The following SNX29 variants were observed in gnomAD, a reference collection of about 807,000 sequenced individuals.
SNX29 encodes the protein sorting nexin 29.
A neutral mutation model predicts 102.1 loss-of-function variants in SNX29; 78 were observed. The observed-to-expected ratio is 0.76, with a 90% CI of 0.64 to 0.92. SNX29 has a LOEUF of 0.92. Ranked by LOEUF, SNX29 falls within the 40% of genes least tolerant of loss-of-function variation. The pLI is 0.00. For synonymous variants in SNX29, 580 were observed against 414.5 expected (o/e 1.40, Z -4.85); for missense variants, 1,280 against 1,061.7 (o/e 1.21, Z -2.86).
intron 15 of SNX29, among the ~76,000 whole-genome samples, chr16:12,335,435 T>TG (rs1405988166): frequency 2.0e-5 from 3 of 152,010 alleles, no homozygotes; most frequent in Non-Finnish European, 2.9e-5. Flanking sequence ...GAGGCCAAGA[T>TG]GGAAGGATCT....
intron 15 of SNX29, among the ~76,000 whole-genome samples, chr16:12,320,044 G>T (rs1381354667): frequency 6.6e-6 from 1 of 152,162 alleles, no homozygotes; most frequent in Non-Finnish European, 1.5e-5. Flanking sequence ...TGCTCCTGGG[G>T]AGCTGCCACC....
intron 20 of SNX29, among the ~76,000 whole-genome samples, chr16:12,548,516 G>A (rs1456930160): frequency 6.6e-6 from 1 of 152,216 alleles, no homozygotes; most frequent in African/African-American, 2.4e-5. Flanking sequence ...TGGACCAGAT[G>A]CTTTGAGGGT....
intron 15 of SNX29, among the ~76,000 whole-genome samples, chr16:12,314,043 T>C (rs765735961): frequency 4.3e-4 from 66 of 152,370 alleles, no homozygotes; most frequent in Non-Finnish European, 5.6e-4. Context: ...TGGAGCATAG[T>C]CGTGCACTCA....
chr16:12,555,490 T>G (rs1161890186), intron 20 of SNX29, among the ~76,000 whole-genome samples: 1 of 151,642 alleles, frequency 6.6e-6, no homozygotes, highest in Non-Finnish European at 1.5e-5. Context: ...TCTTTCGTTG[T>G]GGGGAGTCAC....
intron 13 of SNX29, among the ~76,000 whole-genome samples, chr16:12,134,520 C>T (rs768289673): frequency 6.6e-6 from 1 of 152,204 alleles, no homozygotes; most frequent in Non-Finnish European, 1.5e-5. Flanking sequence ...GTGGGCCTCT[C>T]CGTGGGGCTG....
chr16:12,462,008 T>C lies in SNX29; in HGVS notation c.2038-15711T>C, dbSNP rs1358185522. Reference sequence around the variant, plus strand: ...ATATATATATATATATATATATATATATATGTATACACACACACACACACA... The same window carrying C: ...ATATATATATATATATATATATATACATATGTATACACACACACACACACA... On this transcript the variant is annotated intron_variant, in intron 18 of 20. Coordinates refer to ENST00000566228, the MANE Select transcript of SNX29 (RefSeq NM_032167.5). Among the ~76,000 whole-genome samples the C allele has an allele frequency of 6.1e-3, 405 of 66,888 alleles. 5 individuals are homozygous for C. Among genetic ancestry groups the C allele is most frequent in the African/African-American group, 0.033 (359 of 10,862 alleles). The allele number at this position is 66,888 out of a possible 152,430, so 43.9% of individuals were successfully genotyped here. A position where few individuals can be genotyped will look rare whatever the true frequency, so the allele number is the denominator to read the frequency against.
At chr16:12,439,088 G>A (rs1403101750) in intron 18 of SNX29, among the ~76,000 whole-genome samples, 1 of 152,226 alleles carries the variant, frequency 6.6e-6, no homozygotes, top group African/African-American at 2.4e-5. Flanking sequence ...CCCTTCCCCA[G>A]CCTCCCTCAT....
chr16:12,407,612 G>A (rs58384989), intron 18 of SNX29, among the ~76,000 whole-genome samples: 9,067 of 152,224 alleles, frequency 0.06, 350 homozygotes, highest in East Asian at 0.19. Context: ...CCTCTCACTG[G>A]TTTGTGTGTT....
At chr16:12,144,052 G>T (rs2054962373) in intron 13 of SNX29, among the ~76,000 whole-genome samples, 2 of 152,300 alleles carry the variant, frequency 1.3e-5, no homozygotes, top group South Asian at 2.1e-4. Flanking sequence ...CATTGAGCAG[G>T]TCTGGAGTGG....
At chr16:12,106,813 G>T (rs967797714) in intron 11 of SNX29, among the ~76,000 whole-genome samples, 1 of 149,636 alleles carries the variant, frequency 6.7e-6, no homozygotes, top group African/African-American at 2.5e-5. Context: ...CCAACTTCCA[G>T]TAGTGCTTCC....
chr16:12,362,475 C>T (rs1289180771), intron 16 of SNX29, among the ~76,000 whole-genome samples: 1 of 150,828 alleles, frequency 6.6e-6, no homozygotes, highest in Non-Finnish European at 1.5e-5. Context: ...TCCAACAACG[C>T]GTTGGGCATC....
chr16:12,234,697 G>A (rs1321299423), intron 14 of SNX29, among the ~76,000 whole-genome samples: 1 of 152,164 alleles, frequency 6.6e-6, no homozygotes, highest in Non-Finnish European at 1.5e-5. Flanking sequence ...GATGCTGTCG[G>A]CTTCAGCCCA....
chr16:12,549,068 T>G (rs1308637082), intron 20 of SNX29, among the ~76,000 whole-genome samples: 8 of 152,340 alleles, frequency 5.3e-5, no homozygotes, highest in African/African-American at 1.9e-4. Context: ...TGGGCAGGCA[T>G]CATAGTGTTC....
intron 19 of SNX29, among the ~76,000 whole-genome samples, chr16:12,516,761 C>T (rs1036276707): frequency 1.3e-5 from 2 of 152,148 alleles, no homozygotes; most frequent in Non-Finnish European, 2.9e-5. Flanking sequence ...GTAGCTGACA[C>T]GAGGTGCGGC....
chr16:12,359,805 T>G (rs890008441), intron 16 of SNX29, among the ~76,000 whole-genome samples: 1 of 152,178 alleles, frequency 6.6e-6, no homozygotes, highest in Non-Finnish European at 1.5e-5. Context: ...ACAATACCAT[T>G]ATCACACCTA....
At chr16:12,475,919 A>G (rs1431031807) in intron 18 of SNX29, among the ~76,000 whole-genome samples, 7 of 152,202 alleles carry the variant, frequency 4.6e-5, no homozygotes, top group Non-Finnish European at 8.8e-5. Context: ...GATCTAGATA[A>G]TTAGTATTAT....
chr16:12,572,564 GA>G lies in SNX29; in HGVS notation c.*3936del. ...GCGACACCATCTGGCTCCTCACAGG[GA>G]GGTCCAGCCATGTTCTCTGGGCTCC... On this transcript the variant is annotated 3_prime_UTR_variant, in exon 21 of 21. Transcript: ENST00000566228. The G allele has an allele frequency of 6.6e-6, 7 of 1,064,020 alleles. No individual in the cohort carries two copies. Among genetic ancestry groups the G allele is most frequent in the Non-Finnish European group, 8.0e-6 (7 of 878,428 alleles). 65.9% of individuals were successfully genotyped at this position (1,064,020 alleles called of 1,614,324 possible). A position where few individuals can be genotyped will look rare whatever the true frequency, so the allele number is the denominator to read the frequency against.
intron 14 of SNX29, among the ~76,000 whole-genome samples, chr16:12,206,346 G>A (rs1440880404): frequency 2.0e-5 from 3 of 149,826 alleles, no homozygotes; most frequent in Admixed American, 2.0e-4. Context: ...TTTCATTGCT[G>A]GGAGTGATGT....
At chr16:12,550,379 C>T (rs1377755473) in intron 20 of SNX29, among the ~76,000 whole-genome samples, 1 of 151,912 alleles carries the variant, frequency 6.6e-6, no homozygotes, top group East Asian at 1.9e-4. Context: ...TACTAAAAAT[C>T]CAAAAATTAG....
Sources: allele counts gnomAD v4.1 joint callset (sites outside exome capture counted in the v4.1 genomes callset), GRCh38; gene constraint gnomAD v4.1.1; transcripts MANE v1.5; gene names NCBI Gene and HGNC (gene_info 2026-07-23, HGNC 2026-07-21).